Variants in DCDC1 observed in about 807,000 individuals in gnomAD.
DCDC1 encodes doublecortin domain-containing protein 1.
Under a neutral mutation model 178.3 loss-of-function variants are expected in DCDC1, and 200 were observed. The ratio of observed to expected loss-of-function variants is 1.12; its 90% CI spans 1.00 to 1.26. The LOEUF is 1.26. Among genes scored for constraint, DCDC1 ranks in the 50% most tolerant of loss-of-function variants. The probability of loss-of-function intolerance (pLI) is 0.00; values close to 1 mark genes in which losing one functional copy is unlikely to be tolerated. For synonymous variants in DCDC1, 690 were observed against 604.8 expected (o/e 1.14, Z -2.07); for missense variants, 1,983 against 1,749.2 (o/e 1.13, Z -2.38).
chr11:30,887,212 A>G (rs1303806550), intron 36 of DCDC1, among the ~76,000 whole-genome samples: 1 of 152,204 alleles, frequency 6.6e-6, no homozygotes, highest in African/African-American at 2.4e-5. Context: ...AACGACTTGT[A>G]TTCATGTTCA....
chr11:31,015,633 C>T (rs1031993235), intron 20 of DCDC1, among the ~76,000 whole-genome samples: 6 of 152,154 alleles, frequency 3.9e-5, no homozygotes, highest in Non-Finnish European at 5.9e-5. Flanking sequence ...AACTGCTGAA[C>T]ATTTGGAGAA....
At chr11:31,131,591 A>G (rs1962447943) in intron 10 of DCDC1, among the ~76,000 whole-genome samples, 1 of 152,228 alleles carries the variant, frequency 6.6e-6, no homozygotes, top group Non-Finnish European at 1.5e-5. Context: ...AGACCAATAC[A>G]GGACAGGTGG....
chr11:31,312,266 G>A (rs890396068), intron 3 of DCDC1, among the ~76,000 whole-genome samples: 7 of 152,154 alleles, frequency 4.6e-5, no homozygotes, highest in South Asian at 2.1e-4. Flanking sequence ...ATTTATGTCA[G>A]ACACTGTTCT....
At position 30,894,135 on chromosome 11, in the gene DCDC1, C is replaced by T. The variant is rs1944009264; in HGVS notation, c.4902+113G>A. 4.3e-6 allele frequency: 6 copies of T among 1,404,994 alleles called. 1 individual carries two copies. The East Asian group carries it at 1.0e-4, about 24-fold the overall frequency. The allele number at this position is 1,404,994 out of a possible 1,614,324, so 87.0% of individuals were successfully genotyped here. Reference sequence around the variant, plus strand: ...TTGGCATATGCTTATATGGTCATAACTGATCAGATGCTGAGAATATATTAA... The same window carrying T: ...TTGGCATATGCTTATATGGTCATAATTGATCAGATGCTGAGAATATATTAA... On this transcript the variant is annotated intron_variant, in intron 35 of 38. Transcript: ENST00000684477.
At chr11:31,015,968 C>G (rs1362117709) in intron 20 of DCDC1, among the ~76,000 whole-genome samples, 1 of 152,172 alleles carries the variant, frequency 6.6e-6, no homozygotes, top group African/African-American at 2.4e-5. Context: ...AAAAAATACA[C>G]TCCATTTTCT....
intron 20 of DCDC1, among the ~76,000 whole-genome samples, chr11:31,004,129 A>T (rs957245258): frequency 6.6e-6 from 1 of 152,178 alleles, no homozygotes; most frequent in Non-Finnish European, 1.5e-5. Flanking sequence ...GTTTTTTCCC[A>T]AATTATTTCT....
intron 6 of DCDC1, among the ~76,000 whole-genome samples, chr11:31,299,879 G>A (rs898645949): frequency 1.4e-4 from 21 of 151,714 alleles, no homozygotes; most frequent in African/African-American, 5.1e-4. Context: ...TTTTTTTTGA[G>A]ACAGAGTCTC....
chr11:31,037,634 T>C (rs1323081236), intron 20 of DCDC1, among the ~76,000 whole-genome samples: 1 of 152,002 alleles, frequency 6.6e-6, no homozygotes, highest in Non-Finnish European at 1.5e-5. Flanking sequence ...GGATAATTTT[T>C]CGTATTTTTT....
At chr11:31,115,981 TGG>T (rs548179744) in intron 11 of DCDC1, among the ~76,000 whole-genome samples, 8,215 of 38,134 alleles carry the variant, frequency 0.22, 1,284 homozygotes, top group African/African-American at 0.44. Flanking sequence ...GCTGTGGCAG[TGG>T]GGGGGGGGGG....
chr11:31,213,730 C>CA (rs1031557690), intron 9 of DCDC1, among the ~76,000 whole-genome samples: 31 of 140,262 alleles, frequency 2.2e-4, no homozygotes, highest in East Asian at 4.1e-4. Context: ...AAAAAAAAAA[C>CA]AAAAAAAAAA....
intron 9 of DCDC1, among the ~76,000 whole-genome samples, chr11:31,187,371 CA>C (rs1259118695): frequency 6.6e-6 from 1 of 151,880 alleles, no homozygotes; most frequent in South Asian, 2.1e-4. Context: ...CAGCTGCTCT[CA>C]AAAAAATAAT....
chr11:31,013,854 A>G (rs1370152540), intron 20 of DCDC1, among the ~76,000 whole-genome samples: 1 of 152,256 alleles, frequency 6.6e-6, no homozygotes, highest in Non-Finnish European at 1.5e-5. Flanking sequence ...AGTTAATTCC[A>G]AAAGGGAAAG....
intron 1 of DCDC1, among the ~76,000 whole-genome samples, chr11:31,342,065 A>AC (rs936959346): frequency 4.6e-5 from 7 of 152,204 alleles, no homozygotes; most frequent in African/African-American, 1.7e-4. Context: ...TACCAGCAGC[A>AC]CCAACAGACA....
intron 3 of DCDC1, among the ~76,000 whole-genome samples, chr11:31,323,629 C>T (rs1045096165): frequency 4.0e-5 from 6 of 151,604 alleles, no homozygotes; most frequent in African/African-American, 7.3e-5. Context: ...ATTTGTAAAA[C>T]TTATCTTTAT....
rs544199387 is a variant in DCDC1 at position 31,215,527 on chromosome 11, G to A, written c.1221+25923C>T. 2.9e-4 allele frequency among the ~76,000 whole-genome samples: 43 copies of A among 150,078 alleles called. 1 individual carries two copies. Among genetic ancestry groups the A allele is most frequent in the Admixed American group, 2.9e-3 (43 of 15,036 alleles). ...TGGAGGCAGCAGGCCTGGCGCGGTA[G>A]CTCATGCCTGTAATCCTAGCACTTT... On this transcript the variant is annotated intron_variant, in intron 9 of 38. Coordinates refer to ENST00000684477, the MANE Select transcript of DCDC1 (RefSeq NM_001387274.1).
intron 9 of DCDC1, among the ~76,000 whole-genome samples, chr11:31,144,915 A>G (rs1043005469): frequency 6.6e-6 from 1 of 152,076 alleles, no homozygotes; most frequent in African/African-American, 2.4e-5. Flanking sequence ...TCATTTCATT[A>G]ATTCTATCCA....
At chr11:31,083,266 T>A (rs1382532717) in intron 17 of DCDC1, among the ~76,000 whole-genome samples, 2 of 152,224 alleles carry the variant, frequency 1.3e-5, no homozygotes, top group African/African-American at 2.4e-5. Flanking sequence ...GGGTTCCATG[T>A]AAGTCTGAAA....
At chr11:31,017,424 T>C (rs1229294164) in intron 20 of DCDC1, among the ~76,000 whole-genome samples, 1 of 152,196 alleles carries the variant, frequency 6.6e-6, no homozygotes, top group Non-Finnish European at 1.5e-5. Context: ...GCTTATTTTA[T>C]TGTAAGAATA....
chr11:31,020,755 T>TG lies in DCDC1; in HGVS notation c.2591+43713dup, dbSNP rs139932449. Among the ~76,000 whole-genome samples the TG allele has an allele frequency of 5.8e-3, 887 of 152,246 alleles. 6 individuals carry two copies. The highest frequency in any genetic ancestry group is 0.02 in the African/African-American group (841 of 41,544). On this transcript the variant is annotated intron_variant, in intron 20 of 38. Transcript: ENST00000684477. ...CTTCTCCTACTTTATAATTTTAAAG[T>TG]GGGGAAAGCCTTCCTAACTCTCACA...
Sources: gnomAD v4.1 joint callset for allele counts (sites outside exome capture counted in the v4.1 genomes callset) on GRCh38, gnomAD v4.1.1 for gene constraint, MANE v1.5 for transcripts, NCBI Gene and HGNC (gene_info 2026-07-23, HGNC 2026-07-21) for gene names.